The following RHOA variants were observed in gnomAD, a reference collection of about 807,000 sequenced individuals.
RHOA encodes transforming protein RhoA.
In RHOA, 3 loss-of-function variants were observed where a neutral mutation model predicts 17.5. That is an observed-to-expected ratio of 0.17 (90% confidence interval 0.08 to 0.44). The LOEUF is 0.44. RHOA is among the 20% of genes least tolerant of loss of function. The pLI is 0.99. For missense variants in RHOA, 56 were observed against 242.3 expected (o/e 0.23, Z 5.10); for synonymous variants, 98 against 88.4 (o/e 1.11, Z -0.61).
rs13314636 is a variant in RHOA at position 49,404,282 on chromosome 3, G to C, written c.-3+7538C>G. 3.6e-3 allele frequency among the ~76,000 whole-genome samples: 399 copies of C among 111,244 alleles called. 1 individual carries two copies. Among genetic ancestry groups the C allele is most frequent in the African/African-American group, 0.013 (380 of 30,156 alleles). 73.0% of individuals were successfully genotyped at this position (111,244 alleles called of 152,430 possible). On this transcript the variant is annotated intron_variant, in intron 1 of 4. Coordinates refer to ENST00000418115, the MANE Select transcript of RHOA (RefSeq NM_001664.4). ...TGTGCCACTGCACTCCAGCCTAGAT[G>C]ACAAAACAAGACCTTATCTCTCCAA...
At chr3:49,381,882 G>C (rs969783117) in intron 1 of RHOA, among the ~76,000 whole-genome samples, 1 of 150,674 alleles carries the variant, frequency 6.6e-6, no homozygotes, top group Non-Finnish European at 1.5e-5. Context: ...AAAAAAGACA[G>C]AGAGTGAAGT....
chr3:49,363,275 C>A (rs1203395465), intron 3 of RHOA, among the ~76,000 whole-genome samples: 1 of 151,890 alleles, frequency 6.6e-6, no homozygotes, highest in African/African-American at 2.4e-5. Flanking sequence ...AAAAAATTAG[C>A]CGGGTGTAGT....
chr3:49,400,989 T>C (rs900100250), intron 1 of RHOA, among the ~76,000 whole-genome samples: 1 of 127,348 alleles, frequency 7.9e-6, no homozygotes, highest in African/African-American at 3.0e-5. Context: ...GAACTTGCAG[T>C]GAGCTGAGAT....
At chr3:49,378,448 T>C (rs772923083) in intron 1 of RHOA, among the ~76,000 whole-genome samples, 1 of 151,946 alleles carries the variant, frequency 6.6e-6, no homozygotes, top group Non-Finnish European at 1.5e-5. Flanking sequence ...GGTTTTGCCA[T>C]GTTTCCCAGG....
intron 1 of RHOA, 129 bp from the exon 2 acceptor site, chr3:49,375,720 C>T (rs749069661): frequency 2.5e-5 from 22 of 871,528 alleles, no homozygotes; most frequent in Admixed American, 5.7e-5. Context: ...ACTTCTAGTA[C>T]GCCGATCCAC....
intron 4 of RHOA, 63 bp from the exon 5 acceptor site, chr3:49,360,445 A>C: frequency 6.7e-7 from 1 of 1,493,828 alleles, no homozygotes; most frequent in Non-Finnish European, 9.0e-7. Context: ...GTAAGTAAAA[A>C]GTATTCAAAT....
chr3:49,371,319 G>A (rs185440915), intron 2 of RHOA, among the ~76,000 whole-genome samples: 7 of 147,162 alleles, frequency 4.8e-5, no homozygotes, highest in Admixed American at 1.4e-4. Flanking sequence ...CGCCCTTGTC[G>A]CCCAGGCTTG....
rs545213172 is a variant in RHOA, at chr3:49,389,216, G to A, written c.-2-13625C>T. Among the ~76,000 whole-genome samples, 45 of 151,940 alleles carry A rather than the reference G, an allele frequency of 3.0e-4. No homozygotes were observed. In the South Asian group the frequency reaches 8.7e-3, roughly 30 times the overall value. On this transcript the variant is annotated intron_variant, in intron 1 of 4. Coordinates refer to ENST00000418115, the MANE Select transcript of RHOA (RefSeq NM_001664.4). The stretch of plus-strand genomic sequence containing the variant: ...AAAAAAATCAGCCAGGCCTGGTGGC[G>A]TCCACCTGTAATCCCAGCTACTCGG...
intron 2 of RHOA, among the ~76,000 whole-genome samples, chr3:49,372,340 G>T (rs1207670025): frequency 6.6e-6 from 1 of 152,130 alleles, no homozygotes; most frequent in East Asian, 1.9e-4. Context: ...TGTTAGGCTG[G>T]TATTTGTTGT....
At chr3:49,401,558 CAAA>C (rs5848878) in intron 1 of RHOA, among the ~76,000 whole-genome samples, 22 of 131,910 alleles carry the variant, frequency 1.7e-4, no homozygotes, top group Non-Finnish European at 1.6e-4. Context: ...AACTCTGTCT[CAAA>C]AAAAAAAAAA....
intron 1 of RHOA, among the ~76,000 whole-genome samples, chr3:49,389,782 A>G (rs2048464626): frequency 6.6e-6 from 1 of 151,500 alleles, no homozygotes; most frequent in South Asian, 2.1e-4. Context: ...CCACACACAC[A>G]AAAAATTAGC....
chr3:49,407,400 A>C (rs1255208451), intron 1 of RHOA, among the ~76,000 whole-genome samples: 11 of 151,866 alleles, frequency 7.2e-5, no homozygotes, highest in Non-Finnish European at 1.2e-4. Context: ...CGCCCAGCTA[A>C]TGTTTTGTAT....
At chr3:49,404,176 A>C (rs979313678) in intron 1 of RHOA, among the ~76,000 whole-genome samples, 1 of 146,056 alleles carries the variant, frequency 6.8e-6, no homozygotes, top group African/African-American at 2.5e-5. Flanking sequence ...TGGCACATAC[A>C]CCTGTAGTCC....
chr3:49,373,286 G>A (rs1381413648), intron 2 of RHOA: 1 of 246,230 alleles, frequency 4.1e-6, no homozygotes, highest in South Asian at 3.3e-5. Context: ...GGAGGTTGTT[G>A]TAAACCAAGA....
chr3:49,368,501 G>A lies in RHOA; in HGVS notation c.204C>T (p.Arg68=), dbSNP rs768973550. The A allele has an allele frequency of 9.9e-6, 16 of 1,613,802 alleles. No homozygotes were observed. The East Asian group carries it at 3.6e-4, about 36-fold the overall frequency. ...TATCTGGGTAGGAGAGGGGCCTCAG[G>A]CGATCATAATCTTCCTGCCCAGCTG... The part of the protein sequence containing the change: ...WDTAGQEDYD[R]LRPLSYPDTD... The change falls in exon 3 of 5, where the codon CGC becomes CGT. Residue 68 remains arginine (R), a synonymous_variant. Coordinates refer to ENST00000418115, the MANE Select transcript of RHOA (RefSeq NM_001664.4).
At chr3:49,408,670 C>A (rs1337256278) in intron 1 of RHOA, among the ~76,000 whole-genome samples, 1 of 142,992 alleles carries the variant, frequency 7.0e-6, no homozygotes, top group Non-Finnish European at 1.6e-5. Flanking sequence ...CCATGTATAG[C>A]AAGGCATGTA....
At chr3:49,384,334 G>A (rs1400010990) in intron 1 of RHOA, among the ~76,000 whole-genome samples, 1 of 152,062 alleles carries the variant, frequency 6.6e-6, no homozygotes, top group African/African-American at 2.4e-5. Context: ...ACAAGTACAT[G>A]GTTTGTCAAG....
At chr3:49,383,838 T>C (rs574178482) in intron 1 of RHOA, among the ~76,000 whole-genome samples, 8 of 152,194 alleles carry the variant, frequency 5.3e-5, no homozygotes, top group Admixed American at 5.2e-4. Flanking sequence ...GAGACCAGCC[T>C]GGCAAACATG....
intron 2 of RHOA, among the ~76,000 whole-genome samples, chr3:49,373,730 A>G (rs1215255709): frequency 6.6e-6 from 1 of 152,090 alleles, no homozygotes; most frequent in Non-Finnish European, 1.5e-5. Context: ...CTTGAGCCCA[A>G]GAGTTCAAGG....
Sources: allele counts gnomAD v4.1 joint callset (sites outside exome capture counted in the v4.1 genomes callset), GRCh38; gene constraint gnomAD v4.1.1; transcripts MANE v1.5; gene names NCBI Gene and HGNC (gene_info 2026-07-23, HGNC 2026-07-21).